The following ALDH18A1 variants were observed in gnomAD, a reference collection of about 807,000 sequenced individuals.
The protein encoded by ALDH18A1 is aldehyde dehydrogenase 18 family member A1.
Under a neutral mutation model 88.8 loss-of-function variants are expected in ALDH18A1, and 44 were observed. That is an observed-to-expected ratio of 0.50 (90% CI 0.39 to 0.64). The LOEUF (loss-of-function observed/expected upper bound fraction) is 0.64, where lower values mean the gene tolerates loss of function less well. ALDH18A1 is among the 30% of genes least tolerant of loss of function. ALDH18A1 has a pLI of 0.00. For synonymous variants in ALDH18A1, 331 were observed against 372.1 expected (o/e 0.89, Z 1.27); for missense variants, 782 against 1,009.5 (o/e 0.77, Z 3.05).
At chr10:95,632,397 G>A (rs1037250693) in intron 7 of ALDH18A1, among the ~76,000 whole-genome samples, 1 of 152,100 alleles carries the variant, frequency 6.6e-6, no homozygotes, top group Admixed American at 6.5e-5. Flanking sequence ...ATAGGGTCTC[G>A]CTCTGTCACC....
intron 7 of ALDH18A1, among the ~76,000 whole-genome samples, chr10:95,631,035 C>T (rs904260610): frequency 6.6e-6 from 1 of 152,106 alleles, no homozygotes; most frequent in South Asian, 2.1e-4. Flanking sequence ...TTGATGTGGG[C>T]TGGGAATTAA....
intron 2 of ALDH18A1, among the ~76,000 whole-genome samples, chr10:95,649,032 T>C (rs548345319): frequency 6.6e-6 from 1 of 152,322 alleles, no homozygotes; most frequent in Admixed American, 6.5e-5. Context: ...GCTTGATTAG[T>C]TGATTGGCAA....
chr10:95,612,116 G>T (rs747012471), intron 15 of ALDH18A1, among the ~76,000 whole-genome samples: 1 of 152,218 alleles, frequency 6.6e-6, no homozygotes, highest in African/African-American at 2.4e-5. Context: ...CTAGACTCGT[G>T]TGGAAAAAGG....
At chr10:95,623,165 TAAA>T (rs552778394) in intron 11 of ALDH18A1, among the ~76,000 whole-genome samples, 7 of 151,350 alleles carry the variant, frequency 4.6e-5, no homozygotes, top group Non-Finnish European at 1.0e-4. Context: ...CCCCATATGC[TAAA>T]AAAAAAGTTT....
chr10:95,628,699 C>G, intron 7 of ALDH18A1: 1 of 586,046 alleles, frequency 1.7e-6, no homozygotes, highest in South Asian at 2.0e-5. Flanking sequence ...ATTTCTATAA[C>G]CTGGCTTAAT....
At chr10:95,613,120 C>A (rs982647552) in intron 15 of ALDH18A1, among the ~76,000 whole-genome samples, 3 of 152,226 alleles carry the variant, frequency 2.0e-5, no homozygotes, top group Non-Finnish European at 4.4e-5. Context: ...GAGAGTTTAA[C>A]AGATTGTCCA....
In ALDH18A1 at chr10:95,643,051, CCACGG is replaced by C; in HGVS notation, c.239_243del (p.Ala80GlyfsTer6). Reference sequence around the variant, plus strand: ...AGGCCACATTCATCCCCTCGGGTCACCACGGCACTGCCGAGCTTCACCACGATTCT... The same window carrying C: ...AGGCCACATTCATCCCCTCGGGTCACCACTGCCGAGCTTCACCACGATTCT... On this transcript the variant is annotated frameshift_variant, in exon 3 of 18. Transcript: ENST00000371224. LOFTEE classifies it high-confidence loss of function. 1 of 1,614,070 alleles carries C rather than the reference CCACGG, an allele frequency of 6.2e-7. No individual in the cohort carries two copies. Among genetic ancestry groups the C allele is most frequent in the East Asian group, 2.2e-5 (1 of 44,886 alleles).
At chr10:95,628,525 T>C (rs771401792) in intron 7 of ALDH18A1, 33 bp from the exon 8 acceptor site, 13 of 1,608,048 alleles carry the variant, frequency 8.1e-6, no homozygotes, top group Admixed American at 1.7e-5. Context: ...TAATACTGCT[T>C]TGATGGAAGT....
chr10:95,627,137 T>C (rs1051657524), intron 9 of ALDH18A1, among the ~76,000 whole-genome samples: 1 of 152,172 alleles, frequency 6.6e-6, no homozygotes, highest in South Asian at 2.1e-4. Flanking sequence ...GAGCACATAC[T>C]GTATCATATG....
At chr10:95,627,651 G>T (rs2097862343) in intron 8 of ALDH18A1, 65 bp from the exon 9 acceptor site, 1 of 1,579,148 alleles carries the variant, frequency 6.3e-7, no homozygotes, top group Non-Finnish European at 8.7e-7. Flanking sequence ...TTTTAAACTT[G>T]CAAAAAGATA....
At chr10:95,636,767 A>T (rs745328491) in intron 5 of ALDH18A1, among the ~76,000 whole-genome samples, 6 of 152,252 alleles carry the variant, frequency 3.9e-5, no homozygotes, top group Non-Finnish European at 8.8e-5. Flanking sequence ...CTGTCTTCAG[A>T]AGTGTTAGCA....
At chr10:95,648,356 ATCATCAT>A in intron 2 of ALDH18A1, among the ~76,000 whole-genome samples, 1 of 120,444 alleles carries the variant, frequency 8.3e-6, no homozygotes, top group Non-Finnish European at 1.9e-5. Flanking sequence ...CATCATCATC[ATCATCAT>A]CTTACTGAAT....
chr10:95,618,729 C>G (rs2097847737), intron 12 of ALDH18A1, among the ~76,000 whole-genome samples: 1 of 152,144 alleles, frequency 6.6e-6, no homozygotes, highest in African/African-American at 2.4e-5. Context: ...ATGGGCCAAG[C>G]CAGTTATTCA....
At chr10:95,638,003 CA>C (rs1566032548) in intron 3 of ALDH18A1, among the ~76,000 whole-genome samples, 1 of 124,806 alleles carries the variant, frequency 8.0e-6, no homozygotes. Context: ...ACAACAACAA[CA>C]ACAACACCCT....
Position 95,637,434 on chromosome 10 carries a change from T to C in ALDH18A1, c.306A>G (p.Val102=), listed in dbSNP as rs773545430. ...CTCTGCCCTGATTCTGCAGCACTGA[T>C]ACCTGGGCATTGAGAAAGGAAAGGG... ...LGRLASIVEQ[V]SVLQNQGREM... is the part of the protein sequence containing the mutation. Residue 102 remains valine, a splice_region_variant and synonymous_variant, in exon 4 of 18, where the codon GTA becomes GTG. Coordinates refer to ENST00000371224, the MANE Select transcript of ALDH18A1 (RefSeq NM_002860.4). 1.9e-5 allele frequency: 31 copies of C among 1,614,004 alleles called. No homozygotes were observed. Among genetic ancestry groups the C allele is most frequent in the Non-Finnish European group, 2.6e-5 (31 of 1,180,042 alleles).
intron 12 of ALDH18A1, among the ~76,000 whole-genome samples, chr10:95,617,146 C>A (rs1244271153): frequency 2.0e-5 from 3 of 152,188 alleles, no homozygotes; most frequent in African/African-American, 7.2e-5. Context: ...ACCCAGGAGG[C>A]TGAGGCAAGA....
Position 95,614,099 on chromosome 10 carries a change from A to G in ALDH18A1, c.1668T>C (p.Ile556=). 1 of 1,614,198 alleles carries G rather than the reference A, an allele frequency of 6.2e-7. No homozygotes were observed. The highest frequency in any genetic ancestry group is 8.5e-7 in the Non-Finnish European group (1 of 1,180,036). ...TGACCAGCTGGGAAGAGCCACGTGG[A>G]ATGATCAGATCTATCATTTTGTCTA... The part of the protein sequence containing the change: ...CRLDKMIDLI[I]PRGSSQLVRD... The change falls in exon 14 of 18, where the codon ATT becomes ATC. Residue 556 remains isoleucine (I), a synonymous_variant. Coordinates refer to ENST00000371224, the MANE Select transcript of ALDH18A1 (RefSeq NM_002860.4).
intron 15 of ALDH18A1, among the ~76,000 whole-genome samples, chr10:95,612,172 C>G (rs1421849634): frequency 6.6e-6 from 1 of 152,134 alleles, no homozygotes. Flanking sequence ...TAGCGAAGTC[C>G]CAGGTTTGCT....
chr10:95,640,394 T>C (rs34460315), intron 3 of ALDH18A1, among the ~76,000 whole-genome samples: 2 of 151,700 alleles, frequency 1.3e-5, no homozygotes, highest in Admixed American at 6.6e-5. Flanking sequence ...CAGGCTGAAG[T>C]GCAGTGGTGC....
Sources: gnomAD v4.1 joint callset for allele counts (sites outside exome capture counted in the v4.1 genomes callset) on GRCh38, gnomAD v4.1.1 for gene constraint, MANE v1.5 for transcripts, NCBI Gene and HGNC (gene_info 2026-07-23, HGNC 2026-07-21) for gene names.